Variants in EML6 observed in about 807,000 individuals in gnomAD.
EML6 encodes EMAP like 6.
A neutral mutation model predicts 240.1 loss-of-function variants in EML6; 154 were observed. The observed-to-expected ratio is 0.64, with a 90% confidence interval of 0.56 to 0.73. EML6 has a LOEUF of 0.73. Among genes scored for constraint, EML6 ranks in the 30% least tolerant of loss-of-function variants. The pLI, the probability that EML6 is intolerant of heterozygous loss-of-function variation, is 0.00. For synonymous variants in EML6, 1,148 were observed against 899.0 expected (o/e 1.28, Z -4.95); for missense variants, 2,964 against 2,474.6 (o/e 1.20, Z -4.20).
chr2:54,963,493 A>G (rs1394054833), intron 36 of EML6, among the ~76,000 whole-genome samples: 1 of 152,228 alleles, frequency 6.6e-6, no homozygotes, highest in Non-Finnish European at 1.5e-5. Context: ...TAATTTACCC[A>G]AACACACCCA....
intron 2 of EML6, among the ~76,000 whole-genome samples, chr2:54,811,832 C>T (rs897428342): frequency 1.3e-5 from 2 of 152,214 alleles, no homozygotes; most frequent in Non-Finnish European, 2.9e-5. Context: ...TATTGATAAT[C>T]TCTCACCAAC....
At chr2:54,859,367 A>C (rs1670555403) in intron 11 of EML6, among the ~76,000 whole-genome samples, 167 bp from the exon 12 acceptor site, 1 of 152,236 alleles carries the variant, frequency 6.6e-6, no homozygotes, top group Non-Finnish European at 1.5e-5. Flanking sequence ...GGAATAATTG[A>C]GATATATTTT....
chr2:54,826,200 A>G (rs1479920439), intron 5 of EML6, among the ~76,000 whole-genome samples: 1 of 152,200 alleles, frequency 6.6e-6, no homozygotes, highest in African/African-American at 2.4e-5. Context: ...CCTCCCCTCC[A>G]GATGGAGATG....
chr2:54,857,614 G>A (rs4671232), intron 11 of EML6, among the ~76,000 whole-genome samples: 11,586 of 152,238 alleles, frequency 0.076, 800 homozygotes, highest in East Asian at 0.29. Context: ...AACAGTGGGA[G>A]CAGAGAATGC....
At chr2:54,813,959 G>A (rs1667971587) in intron 3 of EML6, among the ~76,000 whole-genome samples, 1 of 152,084 alleles carries the variant, frequency 6.6e-6, no homozygotes, top group African/African-American at 2.4e-5. Context: ...TCCTGCCACT[G>A]TCCTTTAAGT....
intron 2 of EML6, among the ~76,000 whole-genome samples, chr2:54,760,472 G>C (rs899952109): frequency 4.6e-5 from 7 of 152,092 alleles, no homozygotes; most frequent in Non-Finnish European, 1.0e-4. Flanking sequence ...ACATGGGAGA[G>C]TGGCCCTCTA....
intron 7 of EML6, among the ~76,000 whole-genome samples, chr2:54,833,775 GCAA>G (rs981496399): frequency 6.6e-6 from 1 of 152,120 alleles, no homozygotes; most frequent in African/African-American, 2.4e-5. Flanking sequence ...AGTTTCTGTA[GCAA>G]CAACAACACA....
At chr2:54,883,535 G>C (rs140281545) in intron 17 of EML6, among the ~76,000 whole-genome samples, 1 of 152,314 alleles carries the variant, frequency 6.6e-6, no homozygotes, top group Non-Finnish European at 1.5e-5. Flanking sequence ...GTTGCCCTTG[G>C]CCTCTGGAAG....
At position 54,928,689 on chromosome 2, in the gene EML6, C is replaced by T; in HGVS notation, c.3942C>T (p.Ser1314=). The change falls in exon 28 of 42, where the codon AGC becomes AGT. Residue 1314 remains serine (S), a synonymous_variant. Transcript: ENST00000356458. ...ACACCACCAAGATTTATGCTGTGAG[C>T]ATCAGGGAAATGGAAGGCACCAAGC... ...IDYTTKIYAV[S]IREMEGTKPH... 1 of 1,551,786 alleles carries T rather than the reference C, an allele frequency of 6.4e-7. No individual in the cohort carries two copies. Among genetic ancestry groups the T allele is most frequent in the Middle Eastern group, 1.7e-4 (1 of 5,992 alleles).
At chr2:54,731,490 AT>A (rs1683164834) in intron 2 of EML6, among the ~76,000 whole-genome samples, 1 of 152,158 alleles carries the variant, frequency 6.6e-6, no homozygotes, top group Non-Finnish European at 1.5e-5. Flanking sequence ...AAATTAAAAA[AT>A]TTAGCCAGGC....
At chr2:54,731,345 A>G (rs1683158573) in intron 2 of EML6, among the ~76,000 whole-genome samples, 1 of 152,162 alleles carries the variant, frequency 6.6e-6, no homozygotes, top group South Asian at 2.1e-4. Flanking sequence ...CATGAATCTA[A>G]TTTTTAATTC....
intron 2 of EML6, among the ~76,000 whole-genome samples, chr2:54,745,733 T>C (rs1683883181): frequency 6.6e-6 from 1 of 152,024 alleles, no homozygotes; most frequent in Admixed American, 6.6e-5. Flanking sequence ...GTGAACCATA[T>C]TCACTCCACC....
Position 54,853,643 on chromosome 2 carries a change from C to T in EML6, c.1445C>T (p.Ser482Phe). The T allele has an allele frequency of 1.3e-6, 2 of 1,520,868 alleles. No homozygotes were observed. Among genetic ancestry groups the T allele is most frequent in the Non-Finnish European group, 1.8e-6 (2 of 1,128,048 alleles). The allele number at this position is 1,520,868 out of a possible 1,614,324, so 94.2% of individuals were successfully genotyped here. ...AGERLFYRMP[S>F]GKPLTSKEEI... ...TAATGTTAATATTGATTATTTTCAG[C>T]TGGGAAGCCTTTAACAAGTAAAGAA... The change falls in exon 11 of 42, where the codon TCT becomes TTT. Residue 482 changes from serine to phenylalanine, a missense_variant and splice_region_variant. Physicochemically the swap from Ser to Phe is radical, Grantham distance 155. Coordinates refer to ENST00000356458, the MANE Select transcript of EML6 (RefSeq NM_001039753.4).
chr2:54,956,450 A>G (rs1185124991), intron 32 of EML6, among the ~76,000 whole-genome samples: 1 of 152,134 alleles, frequency 6.6e-6, no homozygotes, highest in East Asian at 1.9e-4. Flanking sequence ...TCTAATGTTA[A>G]TCCTCTGAAT....
At chr2:54,820,731 CAT>C (rs1668295038) in intron 5 of EML6, among the ~76,000 whole-genome samples, 1 of 152,110 alleles carries the variant, frequency 6.6e-6, no homozygotes, top group African/African-American at 2.4e-5. Context: ...ACTGAAGACT[CAT>C]AATACTTGTG....
chr2:54,886,039 C>A lies in EML6; in HGVS notation c.2439-5015C>A, dbSNP rs1672113180. On this transcript the variant is annotated intron_variant, in intron 17 of 41. Transcript: ENST00000356458. ...CTATTCTTTTTATTGTGGAAAATTT[C>A]AAAGTTATGCCAAAGTAGAGGGAAT... Among the ~76,000 whole-genome samples the A allele has an allele frequency of 4.0e-5, 6 of 150,922 alleles. No homozygotes were observed. In the South Asian group the frequency reaches 1.3e-3, roughly 32 times the overall value.
chr2:54,967,173 C>T lies in EML6; in HGVS notation c.5597+70C>T, dbSNP rs978510067. ...GTCTCTTGTCTCACTCAGGCTCAGC[C>T]TCCAAGTCTGTGCAGGATCTGAAGA... On this transcript the variant is annotated intron_variant, in intron 39 of 41. Coordinates refer to ENST00000356458, the MANE Select transcript of EML6 (RefSeq NM_001039753.4). 9 of 1,037,790 alleles carry T rather than the reference C, an allele frequency of 8.7e-6. No homozygotes were observed. In the African/African-American group the frequency reaches 9.6e-5, roughly 11 times the overall value. The allele number at this position is 1,037,790 out of a possible 1,614,324, so 64.3% of individuals were successfully genotyped here. A position where few individuals can be genotyped will look rare whatever the true frequency, so the allele number is the denominator to read the frequency against.
intron 2 of EML6, among the ~76,000 whole-genome samples, chr2:54,740,270 A>C (rs1226684276): frequency 6.6e-6 from 1 of 152,162 alleles, no homozygotes; most frequent in Admixed American, 6.5e-5. Flanking sequence ...AGAAAGATCA[A>C]CTTTTTAGAA....
chr2:54,861,487 A>T (rs1173661688), intron 12 of EML6, among the ~76,000 whole-genome samples: 2 of 152,200 alleles, frequency 1.3e-5, no homozygotes, highest in Non-Finnish European at 2.9e-5. Flanking sequence ...GTGAGCGGTA[A>T]ATGACTGTGC....
Sources: allele counts gnomAD v4.1 joint callset (sites outside exome capture counted in the v4.1 genomes callset), GRCh38; gene constraint gnomAD v4.1.1; transcripts MANE v1.5; gene names NCBI Gene and HGNC (gene_info 2026-07-23, HGNC 2026-07-21).